The following ZNRF1 variants were observed in gnomAD, a reference collection of about 807,000 sequenced individuals.
ZNRF1 encodes E3 ubiquitin-protein ligase ZNRF1.
In ZNRF1, 3 loss-of-function variants were observed where a neutral mutation model predicts 18.4. The ratio of observed to expected loss-of-function variants is 0.16; its 90% CI spans 0.07 to 0.42. The LOEUF is 0.42. ZNRF1 is among the 10% of genes least tolerant of loss of function. The pLI is 0.99. For missense variants in ZNRF1, 310 were observed against 329.8 expected, an observed-to-expected ratio of 0.94 and a Z score of 0.47; for synonymous variants, 157 against 144.2, an observed-to-expected ratio of 1.09 and a Z score of -0.64.
At chr16:75,019,055 A>C (rs1473916095) in intron 1 of ZNRF1, among the ~76,000 whole-genome samples, 1 of 151,982 alleles carries the variant, frequency 6.6e-6, no homozygotes, top group African/African-American at 2.4e-5. Context: ...AATCCCAGCT[A>C]CTCAGGAGGT....
intron 1 of ZNRF1, among the ~76,000 whole-genome samples, chr16:75,010,202 C>T (rs934075079): frequency 6.6e-6 from 1 of 152,194 alleles, no homozygotes; most frequent in Non-Finnish European, 1.5e-5. Flanking sequence ...AGGCTGGTCT[C>T]GAACTCCTGG....
At chr16:75,030,173 C>G (rs1271566375) in intron 1 of ZNRF1, among the ~76,000 whole-genome samples, 1 of 151,736 alleles carries the variant, frequency 6.6e-6, no homozygotes. Context: ...AATTGTACAA[C>G]CATCACCACA....
chr16:75,014,600 A>G (rs1386766879), intron 1 of ZNRF1, among the ~76,000 whole-genome samples: 3 of 152,176 alleles, frequency 2.0e-5, no homozygotes, highest in Non-Finnish European at 4.4e-5. Context: ...GTTTCATTAC[A>G]TACGTGAATG....
Position 75,108,317 on chromosome 16 carries a change from A to G in ZNRF1, c.*617A>G. ...TTCATTGCCAAAAAACAACCCATTG[A>G]GAACTTTCTTCCTACTGATCCCATC... On this transcript the variant is annotated 3_prime_UTR_variant, in exon 5 of 5. Transcript: ENST00000335325. 2.8e-6 allele frequency: 1 copy of G among 352,788 alleles called. No homozygotes were observed. The highest frequency in any genetic ancestry group is 4.3e-5 in the East Asian group (1 of 23,154). 21.9% of individuals were successfully genotyped at this position (352,788 alleles called of 1,614,324 possible).
At chr16:75,040,038 CTTTCTTTTTTTT>C (rs1424068647) in intron 1 of ZNRF1, among the ~76,000 whole-genome samples, 19 of 93,790 alleles carry the variant, frequency 2.0e-4, no homozygotes, top group African/African-American at 7.9e-4. Flanking sequence ...TCTTTCTTTT[CTTTCTTTTTTTT>C]TTTTTTTTTT....
rs911328571 is a variant in ZNRF1 at position 75,074,169 on chromosome 16, C to T, written c.425-19403C>T. On this transcript the variant is annotated intron_variant, in intron 1 of 4. Coordinates refer to ENST00000335325, the MANE Select transcript of ZNRF1 (RefSeq NM_032268.5). ...ACTGCTAGTCTGTTCTGCTCTCCTG[C>T]TGTCCGTGACCGTTGCTAGACCTCC... 2.6e-5 allele frequency among the ~76,000 whole-genome samples: 4 copies of T among 152,206 alleles called. No homozygotes were observed. The East Asian group carries it at 7.7e-4, about 29-fold the overall frequency.
At chr16:75,028,795 A>G (rs181604429) in intron 1 of ZNRF1, among the ~76,000 whole-genome samples, 17 of 152,194 alleles carry the variant, frequency 1.1e-4, no homozygotes, top group African/African-American at 3.4e-4. Context: ...GTTTGGGAAA[A>G]GTGGCTGCAT....
intron 1 of ZNRF1, among the ~76,000 whole-genome samples, chr16:75,010,219 G>A (rs2034976257): frequency 6.6e-6 from 1 of 152,122 alleles, no homozygotes; most frequent in African/African-American, 2.4e-5. Flanking sequence ...CTGGCCTCAG[G>A]TGATCCACCC....
In ZNRF1 at chr16:75,057,299, C is replaced by T. The variant is rs529269607; in HGVS notation, c.425-36273C>T. ...TAGTAAGGTTATTCTAATACAAATACAGATGGTGACAGTTTTGTTTTCTTC... is the reference window on the plus strand; with the variant it reads ...TAGTAAGGTTATTCTAATACAAATATAGATGGTGACAGTTTTGTTTTCTTC... On this transcript the variant is annotated intron_variant, in intron 1 of 4. Transcript: ENST00000335325. Among the ~76,000 whole-genome samples the T allele has an allele frequency of 3.0e-4, 46 of 152,278 alleles. No homozygotes were observed. In the South Asian group the frequency reaches 8.9e-3, roughly 30 times the overall value.
intron 1 of ZNRF1, among the ~76,000 whole-genome samples, chr16:75,035,141 G>A (rs2035361438): frequency 8.5e-6 from 1 of 117,548 alleles, no homozygotes; most frequent in South Asian, 2.6e-4. Context: ...CCCCAGGTTC[G>A]AGCTATTCTC....
chr16:75,030,241 T>G (rs954356240), intron 1 of ZNRF1, among the ~76,000 whole-genome samples: 1 of 152,280 alleles, frequency 6.6e-6, no homozygotes, highest in Admixed American at 6.5e-5. Context: ...CAACTGATTT[T>G]CAACAAGGGT....
At chr16:75,033,027 T>A (rs1237075216) in intron 1 of ZNRF1, among the ~76,000 whole-genome samples, 1 of 152,134 alleles carries the variant, frequency 6.6e-6, no homozygotes, top group Non-Finnish European at 1.5e-5. Context: ...CATGGAAGGT[T>A]TAAGGGTACT....
At chr16:75,079,145 G>A (rs1208069616) in intron 1 of ZNRF1, among the ~76,000 whole-genome samples, 1 of 152,158 alleles carries the variant, frequency 6.6e-6, no homozygotes, top group Admixed American at 6.5e-5. Context: ...TAGAATTCAT[G>A]GTCCTTCTCG....
chr16:75,027,632 T>C (rs2035243641), intron 1 of ZNRF1, among the ~76,000 whole-genome samples: 1 of 152,154 alleles, frequency 6.6e-6, no homozygotes, highest in Non-Finnish European at 1.5e-5. Flanking sequence ...GGTCAGTCAT[T>C]ATAATGACTG....
chr16:75,106,121 G>A, intron 3 of ZNRF1: 1 of 214,594 alleles, frequency 4.7e-6, no homozygotes, highest in Non-Finnish European at 9.6e-6. Context: ...CTTGGAGACA[G>A]CTGACTAGCT....
At chr16:75,073,359 A>G (rs911716331) in intron 1 of ZNRF1, among the ~76,000 whole-genome samples, 9 of 151,662 alleles carry the variant, frequency 5.9e-5, no homozygotes, top group African/African-American at 1.9e-4. Context: ...AGTTAATGCT[A>G]TTACATGTTT....
intron 1 of ZNRF1, among the ~76,000 whole-genome samples, chr16:75,011,821 C>G (rs1303262332): frequency 6.6e-6 from 1 of 152,164 alleles, no homozygotes. Context: ...AAGGGCAGCA[C>G]AAAAGGATAG....
intron 1 of ZNRF1, among the ~76,000 whole-genome samples, chr16:75,054,138 A>G (rs956736476): frequency 6.6e-6 from 1 of 152,228 alleles, no homozygotes; most frequent in African/African-American, 2.4e-5. Context: ...CCTGTGAAAA[A>G]GGCAGAAGCC....
chr16:75,093,156 G>A (rs565559589), intron 1 of ZNRF1, among the ~76,000 whole-genome samples: 8 of 152,272 alleles, frequency 5.3e-5, no homozygotes, highest in Admixed American at 3.3e-4. Flanking sequence ...AGGCCGAGGC[G>A]GGTGAATCAC....
Sources: gnomAD v4.1 joint callset for allele counts (sites outside exome capture counted in the v4.1 genomes callset) on GRCh38, gnomAD v4.1.1 for gene constraint, MANE v1.5 for transcripts, NCBI Gene and HGNC (gene_info 2026-07-23, HGNC 2026-07-21) for gene names.